FOXP2: variants seen among roughly 807,000 people sequenced by gnomAD.
FOXP2 encodes the protein forkhead box protein P2.
Under a neutral mutation model 115.8 loss-of-function variants are expected in FOXP2, and 12 were observed. The observed-to-expected ratio is 0.10, with a 90% confidence interval of 0.07 to 0.17. The LOEUF is 0.17. Among genes scored for constraint, FOXP2 ranks in the 10% least tolerant of loss-of-function variants. FOXP2 has a pLI of 1.00. For synonymous variants in FOXP2, 328 were observed against 297.7 expected (o/e 1.10, Z -1.05); for missense variants, 629 against 843.5 (o/e 0.75, Z 3.15).
At chr7:114,174,488 C>T (rs564420285) in intron 1 of FOXP2, among the ~76,000 whole-genome samples, 205 of 152,108 alleles carry the variant, frequency 1.3e-3, no homozygotes, top group Admixed American at 4.0e-3. Flanking sequence ...TATGTTTCTT[C>T]TACAAATTCC....
upstream of FOXP2, among the ~76,000 whole-genome samples, chr7:114,159,374 A>G (rs1416746268): frequency 2.0e-5 from 3 of 152,160 alleles, no homozygotes; most frequent in Non-Finnish European, 4.4e-5. Context: ...TCAAGGATGT[A>G]AAGATTTACT....
chr7:114,147,596 A>T (rs559019649), intron 1 of FOXP2, among the ~76,000 whole-genome samples: 2 of 152,178 alleles, frequency 1.3e-5, no homozygotes, highest in Non-Finnish European at 2.9e-5. Flanking sequence ...TTATATTTGT[A>T]TGATAAATAG....
intron 1 of FOXP2, among the ~76,000 whole-genome samples, chr7:114,276,143 G>C (rs767644550): frequency 3.9e-5 from 6 of 152,022 alleles, no homozygotes; most frequent in Non-Finnish European, 8.8e-5. Flanking sequence ...GAGTGCTCTG[G>C]CATATTTTTA....
chr7:114,488,889 G>A (rs768976526), intron 2 of FOXP2, among the ~76,000 whole-genome samples: 1 of 152,032 alleles, frequency 6.6e-6, no homozygotes, highest in Non-Finnish European at 1.5e-5. Context: ...TCCTGTTAAT[G>A]AGCTCACAAA....
intron 3 of FOXP2, among the ~76,000 whole-genome samples, chr7:114,581,075 G>GCGCACACA (rs150167103): frequency 3.5e-5 from 5 of 144,664 alleles, no homozygotes; most frequent in African/African-American, 5.1e-5. Flanking sequence ...ATAAACACAT[G>GCGCACACA]CACACACACA....
intron 2 of FOXP2, among the ~76,000 whole-genome samples, chr7:114,372,202 C>A (rs972723759): frequency 6.6e-6 from 1 of 152,078 alleles, no homozygotes; most frequent in Non-Finnish European, 1.5e-5. Context: ...AAATATCTGT[C>A]CTGTTCTCCA....
chr7:114,498,983 C>T, intron 2 of FOXP2: 1 of 716,470 alleles, frequency 1.4e-6, no homozygotes, highest in Non-Finnish European at 2.6e-6. Context: ...GAGTCCTGGA[C>T]CAGCAGCAAC....
chr7:114,108,066 A>C (rs1791169032), intron 1 of FOXP2, among the ~76,000 whole-genome samples: 1 of 151,980 alleles, frequency 6.6e-6, no homozygotes, highest in African/African-American at 2.4e-5. Flanking sequence ...TTTTGTTCCT[A>C]ATTAAAAGTT....
chr7:114,271,928 TATA>T (rs571857508), intron 1 of FOXP2, among the ~76,000 whole-genome samples: 1,719 of 130,668 alleles, frequency 0.013, 35 homozygotes, highest in African/African-American at 0.037. Context: ...ATATAATTAT[TATA>T]ATATTAATAT....
rs117763447 is a variant in FOXP2 at position 114,652,675 on chromosome 7, A to G, written c.1182+385A>G. Among the ~76,000 whole-genome samples, 563 of 152,250 alleles carry G rather than the reference A, an allele frequency of 3.7e-3. 7 individuals carry two copies. The highest frequency in any genetic ancestry group is 6.8e-3 in the Middle Eastern group (2 of 294). On this transcript the variant is annotated intron_variant, in intron 9 of 16. Transcript: ENST00000350908. ...TCCATGAGATTTTATATTGTGGCAA[A>G]TGACCAGTCTTTACAATATCATGCC...
intron 1 of FOXP2, among the ~76,000 whole-genome samples, chr7:114,272,003 T>C (rs1796071035): frequency 7.3e-6 from 1 of 136,208 alleles, no homozygotes; most frequent in Non-Finnish European, 1.5e-5. Flanking sequence ...TAATATGTAA[T>C]ATTATAATTA....
intron 2 of FOXP2, among the ~76,000 whole-genome samples, chr7:114,305,789 A>G (rs1023118492): frequency 3.9e-5 from 6 of 152,134 alleles, no homozygotes; most frequent in Non-Finnish European, 7.4e-5. Flanking sequence ...CACTTTACAC[A>G]TATTAACTCA....
rs185119796 is a variant in FOXP2, at chr7:114,264,983, A to G, written c.-101-23036A>G. On this transcript the variant is annotated intron_variant, in intron 1 of 17. Coordinates refer to the FOXP2 transcript ENST00000634411. ...ACCCAAGCACTTCCCACCAGGCCCT[A>G]CTTCCAACATTGGGGATTATAATTG... is the stretch of plus-strand genomic sequence containing the variant. Among the ~76,000 whole-genome samples the G allele has an allele frequency of 3.9e-5, 6 of 152,270 alleles. No individual in the cohort carries two copies. In the East Asian group the frequency reaches 5.8e-4, roughly 15 times the overall value.
At chr7:114,117,708 C>T (rs1455384552) in intron 1 of FOXP2, among the ~76,000 whole-genome samples, 1 of 152,068 alleles carries the variant, frequency 6.6e-6, no homozygotes, top group Non-Finnish European at 1.5e-5. Context: ...ATCTCTTATT[C>T]CCCAGTGTCT....
At chr7:114,684,379 G>A (rs1808247531) in intron 16 of FOXP2, among the ~76,000 whole-genome samples, 1 of 152,160 alleles carries the variant, frequency 6.6e-6, no homozygotes, top group Admixed American at 6.5e-5. Context: ...AGTGTCCTGA[G>A]TATATTAAAA....
chr7:114,160,626 AT>A (rs1255894699), upstream of FOXP2, among the ~76,000 whole-genome samples: 2 of 152,172 alleles, frequency 1.3e-5, no homozygotes, highest in Non-Finnish European at 2.9e-5. Context: ...ATTTTAATGT[AT>A]TATAGTAAAG....
intron 16 of FOXP2, among the ~76,000 whole-genome samples, chr7:114,684,556 G>A (rs560947140): frequency 7.2e-5 from 11 of 152,308 alleles, no homozygotes; most frequent in Admixed American, 6.5e-4. Context: ...AAGCCTGAAA[G>A]TTTTGAATAT....
At chr7:114,673,762 C>A (rs559797165) in intron 16 of FOXP2, among the ~76,000 whole-genome samples, 1 of 152,044 alleles carries the variant, frequency 6.6e-6, no homozygotes, top group Non-Finnish European at 1.5e-5. Flanking sequence ...TGCATTGGCA[C>A]GATGTCAGCT....
chr7:114,641,355 A>G (rs1014416731), intron 6 of FOXP2, among the ~76,000 whole-genome samples: 23 of 152,150 alleles, frequency 1.5e-4, no homozygotes, highest in Admixed American at 6.6e-5. Flanking sequence ...TAGCTTTTCT[A>G]TTTTTATTGT....
Sources: allele counts gnomAD v4.1 joint callset (sites outside exome capture counted in the v4.1 genomes callset), GRCh38; gene constraint gnomAD v4.1.1; transcripts MANE v1.5; gene names NCBI Gene and HGNC (gene_info 2026-07-23, HGNC 2026-07-21).